The following CD84 variants were observed in gnomAD, a reference collection of about 807,000 sequenced individuals.
The protein encoded by CD84 is CD84 molecule, also known as SLAM family member 5.
A neutral mutation model predicts 33.8 loss-of-function variants in CD84; 22 were observed. That is an observed-to-expected ratio of 0.65 (90% CI 0.46 to 0.93). The LOEUF (loss-of-function observed/expected upper bound fraction) is 0.93. CD84 is among the 40% of genes least tolerant of loss of function. The pLI, the probability that CD84 is intolerant of heterozygous loss-of-function variation, is 0.00. For missense variants in CD84, 400 were observed against 397.6 expected, an observed-to-expected ratio of 1.01 and a Z score of -0.05; for synonymous variants, 154 against 145.2, an observed-to-expected ratio of 1.06 and a Z score of -0.44.
Position 160,553,943 on chromosome 1 carries a change from G to C in CD84, c.592C>G (p.Pro198Ala), listed in dbSNP as rs561868777. The C allele has an allele frequency of 9.2e-5, 148 of 1,614,202 alleles. 2 individuals are homozygous for C. In the South Asian group the frequency reaches 1.4e-3, roughly 16 times the overall value. The change falls in exon 3 of 7, where the codon CCT becomes GCT. Residue 198 changes from proline to alanine, a missense_variant. Coordinates refer to ENST00000368054, the MANE Select transcript of CD84 (RefSeq NM_003874.4). ...ATGGAGTCAGAATTGTTGCTGACAG[G>C]GTTCTGGGCTGTACACGTGTAAGTC... ...ELTYTCTAQN[P>A]VSNNSDSISA... is the part of the protein sequence containing the mutation.
intron 4 of CD84, among the ~76,000 whole-genome samples, chr1:160,552,263 G>A (rs1342891178): frequency 6.6e-6 from 1 of 152,088 alleles, no homozygotes; most frequent in Non-Finnish European, 1.5e-5. Context: ...TCTCTTTGAG[G>A]GACCTTGCAG....
Position 160,550,972 on chromosome 1 carries a change from T to C in CD84, c.824A>G (p.Glu275Gly). 1.2e-6 allele frequency: 2 copies of C among 1,614,172 alleles called. No individual in the cohort carries two copies. Among genetic ancestry groups the C allele is most frequent in the Non-Finnish European group, 1.7e-6 (2 of 1,179,992 alleles). The change falls in exon 5 of 7, where the codon GAG (glutamate) becomes GGG (glycine). Residue 275 changes from glutamate (E) to glycine (G), a missense_variant. Glu to Gly is a moderately conservative substitution (Grantham distance 98, BLOSUM62 -2). Transcript: ENST00000368054. ...CAGGATTTCATCATAGATTCTGGACTCTGCTGGCTGGGTGTTCCTTGAAGC... is the reference window on the plus strand; with the variant it reads ...CAGGATTTCATCATAGATTCTGGACCCTGCTGGCTGGGTGTTCCTTGAAGC... ...IMASRNTQPA[E>G]SRIYDEILQS...
At chr1:160,554,236 A>G in intron 2 of CD84, 90 bp from the exon 3 acceptor site, 1 of 1,267,630 alleles carries the variant, frequency 7.9e-7, no homozygotes, top group Non-Finnish European at 1.0e-6. Context: ...AGAAATTTGC[A>G]AGCCATCATT....
At chr1:160,559,021 G>A (rs923235292) in intron 2 of CD84, among the ~76,000 whole-genome samples, 3 of 152,198 alleles carry the variant, frequency 2.0e-5, no homozygotes, top group African/African-American at 7.2e-5. Flanking sequence ...GTAGCTGAAA[G>A]AGATGGGGAG....
chr1:160,552,907 G>A, intron 4 of CD84: 1 of 629,760 alleles, frequency 1.6e-6, no homozygotes, highest in Non-Finnish European at 2.9e-6. Flanking sequence ...ATGGAGAATG[G>A]CACAACTACA....
At chr1:160,563,060 G>A (rs1278310920) in intron 2 of CD84, among the ~76,000 whole-genome samples, 1 of 152,178 alleles carries the variant, frequency 6.6e-6, no homozygotes. Context: ...CTGCCCGTCA[G>A]AATGGCAATT....
rs35600010 is a variant in CD84, at chr1:160,565,681, G to C, written c.111C>G (p.Val37=). The C allele has an allele frequency of 9.1e-3, 14,628 of 1,613,688 alleles. 98 individuals are homozygous for C. The highest frequency in any genetic ancestry group is 0.01 in the Middle Eastern group (61 of 6,052). ...FTVNGILGES[V]TFPVNIQEPR... ...GTTCTTGGATATTTACAGGGAAAGT[G>C]ACTGACTCTCCCAGAATCCCATTCA... Residue 37 remains valine (V), a synonymous_variant, in exon 2 of 7, where the codon GTC becomes GTG. Transcript: ENST00000368054.
At chr1:160,562,486 T>A (rs531320650) in intron 2 of CD84, among the ~76,000 whole-genome samples, 1 of 152,282 alleles carries the variant, frequency 6.6e-6, no homozygotes, top group Non-Finnish European at 1.5e-5. Flanking sequence ...ATTCCCTATT[T>A]AAAAATGGTG....
chr1:160,548,363 G>A, intron 6 of CD84, 42 bp from the exon 7 acceptor site: 2 of 1,607,158 alleles, frequency 1.2e-6, no homozygotes, highest in South Asian at 1.1e-5. Context: ...ACTGAGAGGT[G>A]CTGCTGGGGA....
intron 2 of CD84, among the ~76,000 whole-genome samples, chr1:160,554,824 C>G (rs979129627): frequency 1.3e-4 from 19 of 151,980 alleles, no homozygotes; most frequent in Admixed American, 3.9e-4. Context: ...GATATAAATG[C>G]TTAGCAAAAA....
intron 2 of CD84, among the ~76,000 whole-genome samples, chr1:160,558,215 C>T (rs1656735225): frequency 6.6e-6 from 1 of 152,184 alleles, no homozygotes; most frequent in Non-Finnish European, 1.5e-5. Flanking sequence ...TAGCCACCTC[C>T]TACAGGTGTA....
intron 2 of CD84, among the ~76,000 whole-genome samples, chr1:160,564,191 CACTTTGCATTAACT>C (rs1216914588): frequency 6.6e-6 from 1 of 152,122 alleles, no homozygotes; most frequent in Non-Finnish European, 1.5e-5. Context: ...CTTTCAAAAG[CACTTTGCATTAACT>C]ACTAGAAATT....
At chr1:160,552,856 G>T in intron 4 of CD84, 2 of 731,914 alleles carry the variant, frequency 2.7e-6, no homozygotes, top group South Asian at 1.5e-5. Flanking sequence ...TGAATCGGAG[G>T]GTATAATGAT....
intron 1 of CD84, among the ~76,000 whole-genome samples, chr1:160,569,580 C>T (rs1657567075): frequency 6.6e-6 from 1 of 151,614 alleles, no homozygotes; most frequent in African/African-American, 2.4e-5. Flanking sequence ...TTCTCCTTTG[C>T]AATATGAGAT....
At chr1:160,551,078 G>A (rs1481138918) in intron 4 of CD84, 43 bp from the exon 5 acceptor site, 1 of 1,436,174 alleles carries the variant, frequency 7.0e-7, no homozygotes, top group East Asian at 2.3e-5. Flanking sequence ...GTGAAAGGTG[G>A]TTTTTTTAGC....
At chr1:160,560,985 A>T (rs927654321) in intron 2 of CD84, among the ~76,000 whole-genome samples, 3 of 152,174 alleles carry the variant, frequency 2.0e-5, no homozygotes, top group Non-Finnish European at 4.4e-5. Flanking sequence ...ACAAGTTCTG[A>T]AATTGAGGCA....
chr1:160,556,600 C>A (rs1656625216), intron 2 of CD84, among the ~76,000 whole-genome samples: 1 of 152,178 alleles, frequency 6.6e-6, no homozygotes, highest in South Asian at 2.1e-4. Flanking sequence ...ATCTTTTGCT[C>A]TTTTTGTGCA....
chr1:160,554,360 C>T (rs1046190896), intron 2 of CD84, among the ~76,000 whole-genome samples: 1 of 152,168 alleles, frequency 6.6e-6, no homozygotes, highest in African/African-American at 2.4e-5. Context: ...GCTGTCTATG[C>T]TCTCGAGGTT....
rs1488498788 is a variant in CD84 at position 160,546,334 on chromosome 1, A to G, written c.*1922T>C. ...CCACATGTACAATGTAGTGAGGAAA[A>G]CAAATAATTAGTTATGCTGTAAGGC... On this transcript the variant is annotated 3_prime_UTR_variant, in exon 7 of 7. Transcript: ENST00000368054. The G allele has an allele frequency of 6.6e-6, 1 of 152,228 alleles. No homozygotes were observed. Among genetic ancestry groups the G allele is most frequent in the Non-Finnish European group, 1.5e-5 (1 of 68,048 alleles). 9.4% of individuals were successfully genotyped at this position (152,228 alleles called of 1,614,324 possible). A position where few individuals can be genotyped will look rare whatever the true frequency, so the allele number is the denominator to read the frequency against.
Sources: allele counts gnomAD v4.1 joint callset (sites outside exome capture counted in the v4.1 genomes callset), GRCh38; gene constraint gnomAD v4.1.1; transcripts MANE v1.5; gene names NCBI Gene and HGNC (gene_info 2026-07-23, HGNC 2026-07-21).